Variants in SPAG17 observed in about 807,000 individuals in gnomAD.
SPAG17 encodes sperm associated antigen 17.
A neutral mutation model predicts 273.6 loss-of-function variants in SPAG17; 169 were observed. That is an observed-to-expected ratio of 0.62 (90% CI 0.55 to 0.70). The LOEUF is 0.70. Among genes scored for constraint, SPAG17 ranks in the 30% least tolerant of loss-of-function variants. The probability of loss-of-function intolerance (pLI) is 0.00; values close to 1 mark genes in which losing one functional copy is unlikely to be tolerated. For synonymous variants in SPAG17, 825 were observed against 873.2 expected, an observed-to-expected ratio of 0.94 and a Z score of 0.97; for missense variants, 2,557 against 2,627.8, an observed-to-expected ratio of 0.97 and a Z score of 0.59.
chr1:118,087,128 C>G (rs1655059172), intron 10 of SPAG17, 120 bp from the exon 11 acceptor site: 1 of 1,077,402 alleles, frequency 9.3e-7, no homozygotes, highest in Admixed American at 2.8e-5. Context: ...ACCCAAGTAC[C>G]ACTGATGACA....
intron 47 of SPAG17, chr1:117,964,783 T>C (rs1653599545): frequency 6.6e-6 from 1 of 152,236 alleles, no homozygotes; most frequent in South Asian, 2.1e-4. Context: ...ACTTCATTTA[T>C]TGACATCAGT....
intron 20 of SPAG17, among the ~76,000 whole-genome samples, chr1:118,050,634 C>G (rs896453621): frequency 4.6e-5 from 7 of 152,088 alleles, no homozygotes; most frequent in African/African-American, 1.7e-4. Flanking sequence ...GCCAAGAACA[C>G]AAAATTGAGG....
At chr1:118,069,973 A>G (rs1477359296) in intron 17 of SPAG17, among the ~76,000 whole-genome samples, 1 of 152,234 alleles carries the variant, frequency 6.6e-6, no homozygotes, top group Non-Finnish European at 1.5e-5. Flanking sequence ...ATTACCTTGA[A>G]AAGTGCAGCT....
intron 30 of SPAG17, among the ~76,000 whole-genome samples, chr1:118,009,459 C>T (rs1237591650): frequency 6.6e-6 from 1 of 152,062 alleles, no homozygotes; most frequent in African/African-American, 2.4e-5. Flanking sequence ...AATTAAGGTT[C>T]AGAAGAGTGG....
chr1:118,084,628 A>G (rs963699517), intron 13 of SPAG17, among the ~76,000 whole-genome samples: 2 of 152,032 alleles, frequency 1.3e-5, no homozygotes, highest in Non-Finnish European at 2.9e-5. Context: ...GCTTGAGTCA[A>G]CTCCTGCTCA....
intron 28 of SPAG17, among the ~76,000 whole-genome samples, chr1:118,020,990 G>C (rs1325761979): frequency 6.6e-6 from 1 of 152,086 alleles, no homozygotes; most frequent in African/African-American, 2.4e-5. Flanking sequence ...TTGAGTAGTT[G>C]TGACAGTGAC....
chr1:118,122,829 A>G (rs1406917396), intron 3 of SPAG17, among the ~76,000 whole-genome samples: 1 of 152,212 alleles, frequency 6.6e-6, no homozygotes, highest in Non-Finnish European at 1.5e-5. Context: ...TACATCCAGG[A>G]CAGAGTTGGG....
chr1:118,174,072 T>C (rs2102399259), intron 1 of SPAG17, among the ~76,000 whole-genome samples: 1 of 152,062 alleles, frequency 6.6e-6, no homozygotes, highest in Admixed American at 6.5e-5. Flanking sequence ...TACAGATAAA[T>C]TGGAACACAT....
rs148335809 is a variant in SPAG17, at chr1:118,121,096, C to A, written c.316-5655G>T. Among the ~76,000 whole-genome samples the A allele has an allele frequency of 4.2e-3, 634 of 152,058 alleles. 4 individuals are homozygous for A. Among genetic ancestry groups the A allele is most frequent in the African/African-American group, 0.014 (601 of 41,468 alleles). ...CAGGGGTGAGAGCAGCACCCCTGGG[C>A]TTCCCTGCCTGGAGTTGCTGTTACA... On this transcript the variant is annotated intron_variant, in intron 3 of 48. Transcript: ENST00000336338.
Position 118,074,545 on chromosome 1 carries a change from A to T in SPAG17, c.2265T>A (p.His755Gln). Residue 755 changes from histidine (H) to glutamine (Q), a missense_variant, in exon 16 of 49, where the codon CAT becomes CAA. His to Gln is a conservative substitution (Grantham distance 24). Transcript: ENST00000336338. ...KDDAVTKADS[H>Q]EKKPKKMMVE... is the part of the protein sequence containing the mutation. ...CAGAAAAATAATTCCTTACCTTTTC[A>T]TGAGAATCAGCCTTTGTGACTGCAT... is the stretch of plus-strand genomic sequence containing the variant. 1.2e-6 allele frequency: 2 copies of T among 1,613,230 alleles called. No homozygotes were observed. The highest frequency in any genetic ancestry group is 1.7e-6 in the Non-Finnish European group (2 of 1,179,436).
chr1:117,993,563 C>T (rs967107821), intron 35 of SPAG17, among the ~76,000 whole-genome samples: 8 of 152,126 alleles, frequency 5.3e-5, no homozygotes, highest in Admixed American at 4.6e-4. Flanking sequence ...TTCATATTAC[C>T]ATGTTGACTA....
intron 29 of SPAG17, among the ~76,000 whole-genome samples, 163 bp downstream of exon 29, chr1:118,015,802 A>G (rs1224959723): frequency 6.6e-6 from 1 of 152,156 alleles, no homozygotes; most frequent in Non-Finnish European, 1.5e-5. Context: ...ATGTTTTTAG[A>G]TTTTGGAAAA....
chr1:118,031,661 A>C, intron 25 of SPAG17, 31 bp downstream of exon 25: 2 of 1,606,240 alleles, frequency 1.2e-6, no homozygotes, highest in Non-Finnish European at 1.7e-6. Context: ...GCAGAAACAG[A>C]GTTTGGGAAT....
chr1:118,067,296 C>T (rs1653079668), intron 17 of SPAG17, among the ~76,000 whole-genome samples: 3 of 152,126 alleles, frequency 2.0e-5, no homozygotes, highest in Admixed American at 2.0e-4. Flanking sequence ...TTGTGTTCAC[C>T]ATCCCTATTT....
chr1:118,064,282 C>T (rs1369796224), intron 18 of SPAG17, among the ~76,000 whole-genome samples: 1 of 152,036 alleles, frequency 6.6e-6, no homozygotes, highest in African/African-American at 2.4e-5. Flanking sequence ...AAGACACATG[C>T]ACACGTATGT....
At chr1:118,074,704 C>G (rs1476057190) in intron 15 of SPAG17, 104 bp from the exon 16 acceptor site, 1 of 1,053,200 alleles carries the variant, frequency 9.5e-7, no homozygotes, top group African/African-American at 1.6e-5. Flanking sequence ...TGTTTCTGTG[C>G]TGAAAAGGCA....
chr1:118,151,137 C>G (rs1056569075), intron 2 of SPAG17, 92 bp downstream of exon 2: 1 of 1,124,300 alleles, frequency 8.9e-7, no homozygotes, highest in Non-Finnish European at 1.2e-6. Flanking sequence ...TACAAAACAG[C>G]CCAAGAATAT....
intron 17 of SPAG17, among the ~76,000 whole-genome samples, chr1:118,069,002 T>C (rs1164521845): frequency 6.6e-6 from 1 of 151,734 alleles, no homozygotes; most frequent in East Asian, 1.9e-4. Flanking sequence ...AGGGCAAGAG[T>C]GGAAGCAGGT....
At chr1:118,159,462 C>CTA (rs1453071339) in intron 1 of SPAG17, among the ~76,000 whole-genome samples, 1 of 152,078 alleles carries the variant, frequency 6.6e-6, no homozygotes, top group African/African-American at 2.4e-5. Context: ...TTTCAAAAGA[C>CTA]TATTGCAGGA....
Sources: gnomAD v4.1 joint callset for allele counts (sites outside exome capture counted in the v4.1 genomes callset) on GRCh38, gnomAD v4.1.1 for gene constraint, MANE v1.5 for transcripts, NCBI Gene and HGNC (gene_info 2026-07-23, HGNC 2026-07-21) for gene names.